Variants in UNC45B observed in about 807,000 individuals in gnomAD.
UNC45B encodes the protein unc-45 myosin chaperone B, also known as protein unc-45 homolog B.
UNC45B carries 78 observed loss-of-function variants against 98.7 expected under a neutral mutation model. The ratio of observed to expected loss-of-function variants is 0.79; its 90% CI spans 0.66 to 0.95. The LOEUF is 0.95. UNC45B is among the 40% of genes least tolerant of loss of function. UNC45B has a pLI of 0.00. For missense variants in UNC45B, 1,225 were observed against 1,184.9 expected (o/e 1.03, Z -0.50); for synonymous variants, 462 against 480.4 (o/e 0.96, Z 0.50).
At chr17:35,149,032 C>T (rs1182349752) in intron 3 of UNC45B, 23 bp downstream of exon 3, 1 of 1,613,944 alleles carries the variant, frequency 6.2e-7, no homozygotes, top group African/African-American at 1.3e-5. Context: ...CACCTCCAAG[C>T]TTGCCCTGTC....
chr17:35,164,129 C>A lies in UNC45B; in HGVS notation c.1114C>A (p.Arg372Ser), dbSNP rs745572525. 1.9e-6 allele frequency: 3 copies of A among 1,613,462 alleles called. No homozygotes were observed. Among genetic ancestry groups the A allele is most frequent in the East Asian group, 2.2e-5 (1 of 44,804 alleles). The change falls in exon 9 of 20, where the codon CGC becomes AGC. Residue 372 changes from arginine to serine, a missense_variant. Physicochemically the swap from Arg to Ser is moderately radical, Grantham distance 110. Transcript: ENST00000394570. ...TGATGACCTGCGCTGTGACCCGGAG[C>A]GCGATCACTTCCGCAAGATCTGTGA... is the stretch of plus-strand genomic sequence containing the variant. ...LYDDLRCDPE[R>S]DHFRKICEEY...
chr17:35,177,657 GTGTT>G, intron 17 of UNC45B, 47 bp downstream of exon 17: 5 of 1,392,238 alleles, frequency 3.6e-6, no homozygotes, highest in Non-Finnish European at 5.0e-6. Context: ...GGCTCAAAAA[GTGTT>G]TGTTTGAAAT....
At chr17:35,173,283 G>A (rs1053054114) in intron 13 of UNC45B, among the ~76,000 whole-genome samples, 1 of 151,978 alleles carries the variant, frequency 6.6e-6, no homozygotes, top group African/African-American at 2.4e-5. Context: ...GCTCCACCAT[G>A]CCCAGCTAAT....
At chr17:35,179,196 G>C (rs1435861615) in intron 17 of UNC45B, among the ~76,000 whole-genome samples, 3 of 152,204 alleles carry the variant, frequency 2.0e-5, no homozygotes, top group Admixed American at 6.5e-5. Context: ...AGCATGGAAT[G>C]TTCTTCCATT....
chr17:35,180,696 T>G lies in UNC45B; in HGVS notation c.2373+20T>G. On this transcript the variant is annotated intron_variant, in intron 18 of 19. Transcript: ENST00000394570. ...AAGGAGGTGAGGCAGGGGCTCAGGA[T>G]GGAGACCCGGGCGTGATCAAGGCAC... is the stretch of plus-strand genomic sequence containing the variant. 1.9e-6 allele frequency: 3 copies of G among 1,597,264 alleles called. No homozygotes were observed. In the African/African-American group the frequency reaches 4.0e-5, roughly 21 times the overall value.
rs779972788 is a variant in UNC45B at position 35,176,012 on chromosome 17, T to C, written c.2003T>C (p.Ile668Thr). The change falls in exon 15 of 20, where the codon ATT becomes ACT. Residue 668 changes from isoleucine to threonine, a missense_variant. Coordinates refer to ENST00000394570, the MANE Select transcript of UNC45B (RefSeq NM_001267052.2). ...GACAACCCAAAGGACCGAGGCACCATTGTGGCTCAAGGTGGTGGCAAGGTA... is the reference window on the plus strand; with the variant it reads ...GACAACCCAAAGGACCGAGGCACCACTGTGGCTCAAGGTGGTGGCAAGGTA... ...LCDNPKDRGTIVAQGGGKALI... is the reference protein window; with the variant it reads ...LCDNPKDRGTTVAQGGGKALI... 7 of 1,614,022 alleles carry C rather than the reference T, an allele frequency of 4.3e-6. No individual in the cohort carries two copies. Among genetic ancestry groups the C allele is most frequent in the East Asian group, 2.2e-5 (1 of 44,890 alleles).
At chr17:35,149,963 G>T in intron 3 of UNC45B, 85 bp from the exon 4 acceptor site, 1 of 1,375,780 alleles carries the variant, frequency 7.3e-7, no homozygotes, top group Non-Finnish European at 9.7e-7. Context: ...CGAAGCAAGA[G>T]CATGCTTCCT....
At chr17:35,152,211 G>A (rs925022701) in intron 4 of UNC45B, among the ~76,000 whole-genome samples, 3 of 151,964 alleles carry the variant, frequency 2.0e-5, no homozygotes, top group South Asian at 2.1e-4. Context: ...GTGCCACTGC[G>A]CTCCAGCCTG....
At chr17:35,183,023 G>T (rs1416754368) in intron 18 of UNC45B, among the ~76,000 whole-genome samples, 1 of 151,660 alleles carries the variant, frequency 6.6e-6, no homozygotes, top group Non-Finnish European at 1.5e-5. Context: ...CCCTGCTTCT[G>T]CCCCAGTCCC....
At chr17:35,154,247 C>T (rs751569880) in intron 5 of UNC45B, among the ~76,000 whole-genome samples, 1 of 152,178 alleles carries the variant, frequency 6.6e-6, no homozygotes, top group Non-Finnish European at 1.5e-5. Flanking sequence ...TTATATACAT[C>T]TTTATTTTAA....
chr17:35,167,947 C>T, intron 9 of UNC45B, 114 bp from the exon 10 acceptor site: 1 of 1,022,464 alleles, frequency 9.8e-7, no homozygotes, highest in Non-Finnish European at 1.3e-6. Context: ...CAATATCACA[C>T]AGCACATGAG....
chr17:35,186,234 C>T, intron 19 of UNC45B, 65 bp from the exon 20 acceptor site: 2 of 1,579,754 alleles, frequency 1.3e-6, no homozygotes, highest in Non-Finnish European at 1.7e-6. Context: ...ACCACATTTC[C>T]AACACATGAA....
chr17:35,163,965 A>C, intron 8 of UNC45B, 30 bp from the exon 9 acceptor site: 1 of 1,581,762 alleles, frequency 6.3e-7, no homozygotes. Flanking sequence ...CCCAGCAGGA[A>C]TCTTAGGCTT....
intron 18 of UNC45B, among the ~76,000 whole-genome samples, chr17:35,182,371 G>A (rs4796048): frequency 6.6e-5 from 10 of 151,738 alleles, no homozygotes; most frequent in Admixed American, 5.9e-4. Flanking sequence ...TTACAGGCGT[G>A]AGCCACCGCG....
chr17:35,168,210 G>A lies in UNC45B; in HGVS notation c.1301G>A (p.Arg434His), dbSNP rs771337286. Residue 434 changes from arginine (R) to histidine (H), a missense_variant, in exon 10 of 20, where the codon CGC (arginine) becomes CAC (histidine). Arg to His is a conservative substitution (Grantham distance 29, BLOSUM62 0). Coordinates refer to ENST00000394570, the MANE Select transcript of UNC45B (RefSeq NM_001267052.2). ...EMMVALCGSERETDQLVAVEA... is the reference protein window; with the variant it reads ...EMMVALCGSEHETDQLVAVEA... The stretch of plus-strand genomic sequence containing the variant: ...ATGGTGGCACTATGTGGCTCAGAGC[G>A]CGAGACGGACCAGCTGGTGGCCGTG... The A allele has an allele frequency of 1.6e-5, 25 of 1,598,278 alleles. No homozygotes were observed. The highest frequency in any genetic ancestry group is 1.1e-4 in the South Asian group (10 of 88,932).
intron 13 of UNC45B, among the ~76,000 whole-genome samples, 170 bp from the exon 14 acceptor site, chr17:35,174,072 A>G (rs1597926857): frequency 6.6e-6 from 1 of 151,828 alleles, no homozygotes; most frequent in Non-Finnish European, 1.5e-5. Flanking sequence ...CAGCCTCCCA[A>G]AGTGCTGGGA....
chr17:35,185,815 A>G (rs1489221344), intron 19 of UNC45B, among the ~76,000 whole-genome samples: 1 of 152,162 alleles, frequency 6.6e-6, no homozygotes. Context: ...CGTGACCATA[A>G]CTAAGTTATG....
At chr17:35,174,027 G>A (rs1489397073) in intron 13 of UNC45B, among the ~76,000 whole-genome samples, 2 of 151,574 alleles carry the variant, frequency 1.3e-5, no homozygotes, top group African/African-American at 4.9e-5. Flanking sequence ...TAGCCAGGAT[G>A]GTCTTGATCT....
intron 17 of UNC45B, among the ~76,000 whole-genome samples, chr17:35,178,182 G>A (rs9916800): frequency 0.035 from 5,373 of 152,246 alleles, 342 homozygotes; most frequent in African/African-American, 0.12. Context: ...TTACAGGTGT[G>A]AGCCACCGCA....
Sources: gnomAD v4.1 joint callset for allele counts (sites outside exome capture counted in the v4.1 genomes callset) on GRCh38, gnomAD v4.1.1 for gene constraint, MANE v1.5 for transcripts, NCBI Gene and HGNC (gene_info 2026-07-23, HGNC 2026-07-21) for gene names.